DLG2: variants seen among roughly 807,000 people sequenced by gnomAD.
The protein encoded by DLG2 is discs large MAGUK scaffold protein 2.
Under a neutral mutation model 132.5 loss-of-function variants are expected in DLG2, and 45 were observed. That is an observed-to-expected ratio of 0.34 (90% CI 0.27 to 0.44). DLG2 has a LOEUF of 0.44. Among genes scored for constraint, DLG2 ranks in the 20% least tolerant of loss-of-function variants. DLG2 has a pLI of 1.00. For synonymous variants in DLG2, 424 were observed against 419.6 expected, an observed-to-expected ratio of 1.01 and a Z score of -0.13; for missense variants, 1,045 against 1,196.9, an observed-to-expected ratio of 0.87 and a Z score of 1.87.
At chr11:84,351,968 G>A (rs2098577177) in intron 7 of DLG2, among the ~76,000 whole-genome samples, 1 of 152,166 alleles carries the variant, frequency 6.6e-6, no homozygotes, top group Non-Finnish European at 1.5e-5. Flanking sequence ...ATTCAGATGG[G>A]ATCTTAAACA....
chr11:85,187,889 G>C (rs773677275), intron 4 of DLG2, among the ~76,000 whole-genome samples: 1 of 152,020 alleles, frequency 6.6e-6, no homozygotes, highest in Admixed American at 6.6e-5. Flanking sequence ...TGCTGGTTGG[G>C]GCATGCAAAA....
chr11:83,627,226 C>G (rs2062695022), intron 19 of DLG2, among the ~76,000 whole-genome samples: 1 of 151,296 alleles, frequency 6.6e-6, no homozygotes, highest in Non-Finnish European at 1.5e-5. Flanking sequence ...TATTATTATA[C>G]TTTAACTTTT....
chr11:85,320,192 A>G (rs2080963331), intron 3 of DLG2, among the ~76,000 whole-genome samples: 1 of 151,938 alleles, frequency 6.6e-6, no homozygotes, highest in Non-Finnish European at 1.5e-5. Context: ...GTGAAAGCTC[A>G]AAGAATGAAA....
chr11:84,060,813 T>TCC (rs766868434), intron 10 of DLG2, among the ~76,000 whole-genome samples: 4 of 151,538 alleles, frequency 2.6e-5, no homozygotes, highest in African/African-American at 4.8e-5. Context: ...GATGCTTCTT[T>TCC]TCCCCCACCA....
At chr11:84,112,589 T>C (rs2093423010) in intron 9 of DLG2, among the ~76,000 whole-genome samples, 1 of 152,128 alleles carries the variant, frequency 6.6e-6, no homozygotes, top group Non-Finnish European at 1.5e-5. Flanking sequence ...TATTATTTCT[T>C]CTAGTATTTC....
chr11:85,266,084 G>C (rs550201829), intron 4 of DLG2, among the ~76,000 whole-genome samples: 38 of 152,328 alleles, frequency 2.5e-4, no homozygotes, highest in Non-Finnish European at 4.7e-4. Flanking sequence ...GGGCCACTGA[G>C]GTGATAACAC....
intron 9 of DLG2, among the ~76,000 whole-genome samples, chr11:84,099,836 G>C (rs1305999906): frequency 9.5e-6 from 1 of 105,188 alleles, no homozygotes; most frequent in Non-Finnish European, 1.9e-5. Context: ...TATATCTAAA[G>C]CGATATATAT....
intron 7 of DLG2, among the ~76,000 whole-genome samples, chr11:84,415,884 A>C (rs1257517995): frequency 1.3e-5 from 2 of 152,182 alleles, no homozygotes; most frequent in Non-Finnish European, 2.9e-5. Flanking sequence ...TAAGTTAATC[A>C]CATGTTGAGT....
intron 3 of DLG2, among the ~76,000 whole-genome samples, chr11:85,548,919 G>A (rs1262963509): frequency 6.6e-6 from 1 of 152,150 alleles, no homozygotes; most frequent in Middle Eastern, 3.2e-3. Flanking sequence ...ATCTTAGCTT[G>A]CTGGGCTCCG....
At chr11:83,795,287 A>G (rs952975154) in intron 17 of DLG2, among the ~76,000 whole-genome samples, 4 of 152,228 alleles carry the variant, frequency 2.6e-5, no homozygotes, top group Admixed American at 2.6e-4. Flanking sequence ...AGTCACCTGT[A>G]GTCCCAGCTA....
intron 7 of DLG2, among the ~76,000 whole-genome samples, chr11:84,357,724 G>T (rs78124923): frequency 1.7e-3 from 255 of 151,870 alleles, no homozygotes; most frequent in African/African-American, 5.6e-3. Context: ...ACTACCTGTT[G>T]TTTCTTTTCT....
At chr11:84,101,445 G>A (rs577057372) in intron 9 of DLG2, among the ~76,000 whole-genome samples, 71 of 152,122 alleles carry the variant, frequency 4.7e-4, no homozygotes, top group Non-Finnish European at 5.4e-4. Flanking sequence ...TATTGGTTGA[G>A]CATTTCGTAT....
At chr11:84,597,699 T>C (rs1044480474) in intron 6 of DLG2, among the ~76,000 whole-genome samples, 2 of 152,168 alleles carry the variant, frequency 1.3e-5, no homozygotes, top group Non-Finnish European at 2.9e-5. Flanking sequence ...AAAGCTTGCT[T>C]TGAACTTTAT....
intron 6 of DLG2, among the ~76,000 whole-genome samples, chr11:84,611,065 A>ACACT (rs1491459006): frequency 6.7e-5 from 10 of 148,796 alleles, no homozygotes; most frequent in African/African-American, 2.5e-4. Context: ...ACACACACAC[A>ACACT]CTATATGTTT....
intron 18 of DLG2, among the ~76,000 whole-genome samples, chr11:83,731,482 G>C (rs1205402372): frequency 6.6e-6 from 1 of 152,134 alleles, no homozygotes; most frequent in Non-Finnish European, 1.5e-5. Flanking sequence ...CCTTTTTTAT[G>C]GGTGCATAGT....
chr11:84,459,657 A>G (rs2099075026), intron 7 of DLG2, among the ~76,000 whole-genome samples: 1 of 150,678 alleles, frequency 6.6e-6, no homozygotes, highest in Admixed American at 6.6e-5. Flanking sequence ...AGTTTTATTC[A>G]TCTATATCCT....
intron 19 of DLG2, among the ~76,000 whole-genome samples, chr11:83,592,000 A>G (rs1477575813): frequency 2.7e-5 from 4 of 147,646 alleles, no homozygotes; most frequent in Non-Finnish European, 1.5e-5. Context: ...AGAGGATACA[A>G]ACAAATGGAA....
At chr11:83,971,772 G>C (rs1460363095) in intron 12 of DLG2, among the ~76,000 whole-genome samples, 2 of 152,074 alleles carry the variant, frequency 1.3e-5, no homozygotes, top group African/African-American at 2.4e-5. Context: ...ATCCAATGTA[G>C]TAATGCCAAT....
intron 17 of DLG2, among the ~76,000 whole-genome samples, chr11:83,797,458 G>A (rs1332554511): frequency 3.3e-5 from 5 of 151,964 alleles, no homozygotes; most frequent in African/African-American, 1.2e-4. Context: ...ATATGACAAA[G>A]TCAGGAATGA....
Sources: gnomAD v4.1 joint callset for allele counts (sites outside exome capture counted in the v4.1 genomes callset) on GRCh38, gnomAD v4.1.1 for gene constraint, MANE v1.5 for transcripts, NCBI Gene and HGNC (gene_info 2026-07-23, HGNC 2026-07-21) for gene names.